The following CSMD2 variants were observed in gnomAD, a reference collection of about 807,000 sequenced individuals.
The protein encoded by CSMD2 is CUB and Sushi multiple domains 2.
In CSMD2, 130 loss-of-function variants were observed where a neutral mutation model predicts 398.5. That is an observed-to-expected ratio of 0.33 (90% CI 0.28 to 0.38). CSMD2 has a LOEUF of 0.38. Among genes scored for constraint, CSMD2 ranks in the 10% least tolerant of loss-of-function variants. The probability of loss-of-function intolerance (pLI) is 1.00; values close to 1 mark genes in which losing one functional copy is unlikely to be tolerated. For missense variants in CSMD2, 3,829 were observed against 4,764.9 expected (o/e 0.80, Z 5.78); for synonymous variants, 1,828 against 1,908.5 (o/e 0.96, Z 1.10).
chr1:33,781,675 C>G (rs1231203973), intron 12 of CSMD2, among the ~76,000 whole-genome samples: 3 of 152,186 alleles, frequency 2.0e-5, no homozygotes, highest in Admixed American at 6.5e-5. Context: ...AGTAAGGAAG[C>G]AAGGAGACTT....
chr1:33,906,873 C>A (rs1483116923), intron 5 of CSMD2, among the ~76,000 whole-genome samples: 1 of 151,774 alleles, frequency 6.6e-6, no homozygotes, highest in East Asian at 1.9e-4. Flanking sequence ...AGCAGTACAG[C>A]AAGAAGGAAT....
At chr1:33,649,855 T>C (rs993026340) in intron 28 of CSMD2, among the ~76,000 whole-genome samples, 1 of 152,084 alleles carries the variant, frequency 6.6e-6, no homozygotes, top group South Asian at 2.1e-4. Flanking sequence ...CATACATCTC[T>C]AGGACAAAGG....
chr1:33,602,239 G>C (rs1304713314), intron 43 of CSMD2, 130 bp downstream of exon 43: 2 of 920,320 alleles, frequency 2.2e-6, no homozygotes, highest in Non-Finnish European at 3.4e-6. Context: ...TGAAACCCAG[G>C]AGGCTGACAG....
intron 4 of CSMD2, among the ~76,000 whole-genome samples, chr1:33,933,166 T>A (rs984901263): frequency 5.0e-4 from 76 of 152,338 alleles, no homozygotes; most frequent in African/African-American, 1.8e-3. Context: ...GATGTTTTTG[T>A]TTGTTGGCTT....
chr1:34,049,152 A>T (rs1652881326), intron 2 of CSMD2, among the ~76,000 whole-genome samples: 1 of 152,208 alleles, frequency 6.6e-6, no homozygotes, highest in Non-Finnish European at 1.5e-5. Context: ...TGAACAGTGG[A>T]GGGTCAACCT....
At chr1:34,040,417 T>G in intron 2 of CSMD2, among the ~76,000 whole-genome samples, 1 of 152,218 alleles carries the variant, frequency 6.6e-6, no homozygotes, top group East Asian at 1.9e-4. Flanking sequence ...CCCTTTTCTT[T>G]TCTTTTCTTT....
intron 11 of CSMD2, among the ~76,000 whole-genome samples, chr1:33,790,796 C>A (rs114335327): frequency 0.026 from 3,340 of 130,494 alleles, 112 homozygotes; most frequent in African/African-American, 0.09. Flanking sequence ...TCTATCATCT[C>A]TCTAATATCT....
chr1:33,835,236 AG>A (rs1660074441), intron 6 of CSMD2, among the ~76,000 whole-genome samples: 1 of 50,690 alleles, frequency 2.0e-5, no homozygotes, highest in Non-Finnish European at 3.0e-5. Flanking sequence ...ACAATAGCAA[AG>A]ACTTGGAACC....
intron 49 of CSMD2, among the ~76,000 whole-genome samples, chr1:33,573,837 T>C (rs943661041): frequency 4.6e-5 from 7 of 152,270 alleles, no homozygotes; most frequent in African/African-American, 1.7e-4. Flanking sequence ...GAATCCCTCT[T>C]AGATTCACCA....
At chr1:34,042,490 C>T (rs1651964981) in intron 2 of CSMD2, among the ~76,000 whole-genome samples, 1 of 152,114 alleles carries the variant, frequency 6.6e-6, no homozygotes, top group South Asian at 2.1e-4. Context: ...TTAAGATTGT[C>T]TCTGTGCTGC....
At chr1:34,094,577 A>C in intron 1 of CSMD2, among the ~76,000 whole-genome samples, 1 of 152,304 alleles carries the variant, frequency 6.6e-6, no homozygotes, top group African/African-American at 2.4e-5. Flanking sequence ...TACCAAGAAA[A>C]TGGAAAACAA....
chr1:33,935,829 C>T lies in CSMD2; in HGVS notation c.643G>A (p.Ala215Thr), dbSNP rs1468573914. 9 of 1,614,166 alleles carry T rather than the reference C, an allele frequency of 5.6e-6. No individual in the cohort carries two copies. Among genetic ancestry groups the T allele is most frequent in the Middle Eastern group, 3.3e-4 (2 of 6,060 alleles). ...CNLGFFLEGHAVLTCHAGSEN... is the reference protein window; with the variant it reads ...CNLGFFLEGHTVLTCHAGSEN... ...GAGCCAGCGTGGCAGGTGAGCACGG[C>T]GTGGCCCTCCAGGAAGAAGCCAAGG... Residue 215 changes from alanine (A) to threonine (T), a missense_variant, in exon 4 of 71, where the codon GCC becomes ACC. Ala to Thr is a moderately conservative substitution (Grantham distance 58). Around this residue, in one of 5 missense-constraint regions of CSMD2, gnomAD observed 2,001 missense variants for 2,567.1 expected, o/e 0.78. Coordinates refer to ENST00000373381, the MANE Select transcript of CSMD2 (RefSeq NM_001281956.2).
intron 49 of CSMD2, among the ~76,000 whole-genome samples, chr1:33,574,700 G>A (rs1659906204): frequency 6.6e-6 from 1 of 152,170 alleles, no homozygotes; most frequent in Admixed American, 6.5e-5. Context: ...ATACCAAGAT[G>A]GAAGAAGGAT....
At chr1:34,099,892 TG>T (rs1659781146) in intron 1 of CSMD2, among the ~76,000 whole-genome samples, 1 of 152,086 alleles carries the variant, frequency 6.6e-6, no homozygotes, top group African/African-American at 2.4e-5. Context: ...CAAAGGCAGG[TG>T]GGAGGATGGC....
At chr1:33,783,632 C>G (rs971071253) in intron 12 of CSMD2, among the ~76,000 whole-genome samples, 7 of 152,140 alleles carry the variant, frequency 4.6e-5, no homozygotes, top group Non-Finnish European at 2.9e-5. Flanking sequence ...GGGTGCTGTT[C>G]TGCCTTCTCT....
At chr1:33,888,887 C>T (rs1641787267) in intron 5 of CSMD2, among the ~76,000 whole-genome samples, 1 of 152,110 alleles carries the variant, frequency 6.6e-6, no homozygotes, top group Non-Finnish European at 1.5e-5. Context: ...CCTGCCTCAG[C>T]CTCCCTAGTA....
chr1:34,070,853 T>C (rs1045782769), intron 2 of CSMD2, among the ~76,000 whole-genome samples: 3 of 150,314 alleles, frequency 2.0e-5, no homozygotes, highest in Non-Finnish European at 4.4e-5. Context: ...AGAGCCAAGA[T>C]GCGTCCCCGT....
intron 5 of CSMD2, among the ~76,000 whole-genome samples, chr1:33,889,655 CAT>C (rs61533322): frequency 4.0e-5 from 6 of 151,028 alleles, no homozygotes; most frequent in African/African-American, 1.5e-4. Context: ...ATGAGGCTGA[CAT>C]ATATATATAT....
At chr1:34,127,870 G>A (rs953275023) in intron 1 of CSMD2, among the ~76,000 whole-genome samples, 28 of 151,882 alleles carry the variant, frequency 1.8e-4, no homozygotes, top group African/African-American at 5.8e-4. Context: ...GGCCGGCCTT[G>A]GTAACCAAGG....
Sources: allele counts gnomAD v4.1 joint callset (sites outside exome capture counted in the v4.1 genomes callset), GRCh38; gene constraint gnomAD v4.1.1; regional missense constraint gnomAD v4.1.1; transcripts MANE v1.5; gene names NCBI Gene and HGNC (gene_info 2026-07-23, HGNC 2026-07-21).